Variants in ADAT1 observed in about 807,000 individuals in gnomAD.
ADAT1 encodes tRNA-specific adenosine deaminase 1.
Under a neutral mutation model 58.6 loss-of-function variants are expected in ADAT1, and 58 were observed. The observed-to-expected ratio is 0.99, with a 90% CI of 0.80 to 1.23. ADAT1 has a LOEUF of 1.23. Ranked by LOEUF, ADAT1 falls within the 50% of genes most tolerant of loss-of-function variation. The pLI is 0.00. For synonymous variants in ADAT1, 254 were observed against 220.8 expected, an observed-to-expected ratio of 1.15 and a Z score of -1.33; for missense variants, 741 against 608.6, an observed-to-expected ratio of 1.22 and a Z score of -2.29.
intron 4 of ADAT1, among the ~76,000 whole-genome samples, chr16:75,618,123 A>AAAAAAAAAG (rs1555510929): frequency 3.5e-5 from 5 of 142,072 alleles, no homozygotes; most frequent in African/African-American, 1.3e-4. Flanking sequence ...AAAAAAAAAA[A>AAAAAAAAAG]AGAGAGAACC....
At chr16:75,619,678 A>G (rs772431082) in intron 3 of ADAT1, 17 of 453,474 alleles carry the variant, frequency 3.7e-5, no homozygotes, top group South Asian at 2.3e-4. Context: ...TGGGAGGCCA[A>G]TGTGGGCAGA....
intron 3 of ADAT1, 43 bp downstream of exon 3, chr16:75,620,223 G>A (rs201818892): frequency 1.3e-6 from 2 of 1,592,736 alleles, no homozygotes; most frequent in Admixed American, 1.7e-5. Flanking sequence ...CATGGACACT[G>A]GTTTCAAGCT....
intron 5 of ADAT1, among the ~76,000 whole-genome samples, chr16:75,614,458 G>T (rs969401070): frequency 1.3e-5 from 2 of 152,200 alleles, no homozygotes; most frequent in South Asian, 4.1e-4. Context: ...CTAACCTGAT[G>T]AGTGTTGCTT....
intron 7 of ADAT1, 128 bp from the exon 8 acceptor site, chr16:75,608,451 CTGCTATTGGA>C (rs1490064308): frequency 2.6e-6 from 2 of 769,880 alleles, no homozygotes; most frequent in Admixed American, 5.0e-5. Context: ...CAGACAATGA[CTGCTATTGGA>C]TGCTTGGCCT....
chr16:75,622,598 A>G lies in ADAT1; in HGVS notation c.-217T>C, dbSNP rs2081966637. 2.0e-5 allele frequency: 3 copies of G among 152,210 alleles called. No individual in the cohort carries two copies. The highest frequency in any genetic ancestry group is 4.4e-5 in the Non-Finnish European group (3 of 68,040). 9.4% of individuals were successfully genotyped at this position (152,210 alleles called of 1,614,324 possible). The stretch of plus-strand genomic sequence containing the variant: ...CATCTCACTCAGGTAGTGCGTCTGA[A>G]TGAGCATGCACAATTGTTTAAATGA... On this transcript the variant is annotated 5_prime_UTR_variant, in exon 1 of 10. Transcript: ENST00000564657.
rs869079388 is a variant in ADAT1 at position 75,604,432 on chromosome 16, C to CAAAAAAA, written c.1290-1268_1290-1262dup. On this transcript the variant is annotated intron_variant, in intron 8 of 9. Transcript: ENST00000564657. ...TGGGTGACAGAGTGAGATTCTGTCT[C>CAAAAAAA]AAAAAAAAAAAAAAAAAAAAAAAAA... Among the ~76,000 whole-genome samples, 29 of 7,936 alleles carry CAAAAAAA rather than the reference C, an allele frequency of 3.7e-3. 5 individuals carry two copies. In the East Asian group the frequency reaches 0.068, roughly 19 times the overall value. The allele number at this position is 7,936 out of a possible 152,430, so 5.2% of individuals were successfully genotyped here. A position where few individuals can be genotyped will look rare whatever the true frequency, so the allele number is the denominator to read the frequency against.
intron 5 of ADAT1, among the ~76,000 whole-genome samples, chr16:75,615,135 G>A (rs1162427750): frequency 6.6e-6 from 1 of 151,002 alleles, no homozygotes; most frequent in African/African-American, 2.4e-5. Flanking sequence ...GCCAAGGCAG[G>A]AGAATCGCCT....
At chr16:75,612,966 C>G in intron 5 of ADAT1, 105 bp from the exon 6 acceptor site, 1 of 1,384,198 alleles carries the variant, frequency 7.2e-7, no homozygotes, top group Non-Finnish European at 9.7e-7. Context: ...ACTCTTGGGA[C>G]CCACAGTAGA....
chr16:75,612,187 C>A (rs1270549363), intron 6 of ADAT1, 56 bp downstream of exon 6: 6 of 1,574,100 alleles, frequency 3.8e-6, no homozygotes, highest in African/African-American at 1.3e-5. Context: ...TTAGGCCTTA[C>A]CCTCAGACTG....
At chr16:75,600,414 C>T in intron 9 of ADAT1, 66 bp from the exon 10 acceptor site, 1 of 1,590,636 alleles carries the variant, frequency 6.3e-7, no homozygotes, top group Admixed American at 1.7e-5. Flanking sequence ...GGCCACCAGA[C>T]ACCTGAGCAA....
intron 8 of ADAT1, among the ~76,000 whole-genome samples, chr16:75,607,859 G>A (rs1167620217): frequency 6.6e-6 from 1 of 152,148 alleles, no homozygotes; most frequent in Non-Finnish European, 1.5e-5. Context: ...TGAACGAATG[G>A]CAAACAAAAT....
intron 6 of ADAT1, among the ~76,000 whole-genome samples, 181 bp from the exon 7 acceptor site, chr16:75,609,169 C>T (rs760477271): frequency 6.6e-6 from 1 of 152,138 alleles, no homozygotes; most frequent in Non-Finnish European, 1.5e-5. Context: ...GGAAGAAGAT[C>T]CTTCTCCCTC....
intron 6 of ADAT1, among the ~76,000 whole-genome samples, chr16:75,610,459 G>A (rs1192425440): frequency 4.6e-5 from 7 of 152,004 alleles, no homozygotes; most frequent in African/African-American, 1.4e-4. Context: ...ACCACACCTG[G>A]CTGAGTTTTG....
At position 75,604,456 on chromosome 16, in the gene ADAT1, A is replaced by AAAAAAAAAT. The variant is rs1555508674; in HGVS notation, c.1290-1286_1290-1285insATTTTTTTT. 1.1e-3 allele frequency among the ~76,000 whole-genome samples: 55 copies of AAAAAAAAAT among 48,758 alleles called. 4 individuals carry two copies. The highest frequency in any genetic ancestry group is 2.2e-3 in the East Asian group (2 of 924). The allele number at this position is 48,758 out of a possible 152,430, so 32.0% of individuals were successfully genotyped here. ...TCAAAAAAAAAAAAAAAAAAAAAAAAATATATATATATATATATACACACA... is the reference window on the plus strand; with the variant it reads ...TCAAAAAAAAAAAAAAAAAAAAAAAAAAAAAAAATATATATATATATATATATACACACA... On this transcript the variant is annotated intron_variant, in intron 8 of 9. Coordinates refer to ENST00000564657, the MANE Select transcript of ADAT1 (RefSeq NM_001324445.2).
chr16:75,618,111 AAAAAAAAAAAAAAG>A (rs1455907345), intron 4 of ADAT1, among the ~76,000 whole-genome samples: 1 of 149,314 alleles, frequency 6.7e-6, no homozygotes, highest in Non-Finnish European at 1.5e-5. Flanking sequence ...AAAAAAAAAA[AAAAAAAAAAAAAAG>A]AGAGAACCAC....
chr16:75,618,783 T>A (rs1453861884), intron 3 of ADAT1, 143 bp from the exon 4 acceptor site: 20 of 878,398 alleles, frequency 2.3e-5, no homozygotes, highest in South Asian at 3.3e-5. Context: ...ACCACAATCA[T>A]GAATAACAAT....
In ADAT1 at chr16:75,598,280, TG is replaced by T; in HGVS notation, c.*1935del. 1 of 342,698 alleles carries T rather than the reference TG, an allele frequency of 2.9e-6. No homozygotes were observed. 21.2% of individuals were successfully genotyped at this position (342,698 alleles called of 1,614,324 possible). On this transcript the variant is annotated 3_prime_UTR_variant, in exon 10 of 10. Coordinates refer to ENST00000564657, the MANE Select transcript of ADAT1 (RefSeq NM_001324445.2). Reference sequence around the variant, plus strand: ...TTAGTAGAAAGGGGCTTCACCATGTTGGCCAGGATGGTCTTGATCTCCTGAC... The same window carrying T: ...TTAGTAGAAAGGGGCTTCACCATGTTGCCAGGATGGTCTTGATCTCCTGAC...
At chr16:75,622,314 C>T (rs2081957516) in intron 1 of ADAT1, 89 bp downstream of exon 1, 1 of 152,052 alleles carries the variant, frequency 6.6e-6, no homozygotes, top group South Asian at 2.1e-4. Context: ...GAAGTGAGAC[C>T]CTGTGACTTG....
At chr16:75,610,296 C>T (rs1395890509) in intron 6 of ADAT1, among the ~76,000 whole-genome samples, 1 of 151,038 alleles carries the variant, frequency 6.6e-6, no homozygotes, top group Admixed American at 6.6e-5. Flanking sequence ...TATACATATA[C>T]ACTTTTTTTT....
Sources: gnomAD v4.1 joint callset for allele counts (sites outside exome capture counted in the v4.1 genomes callset) on GRCh38, gnomAD v4.1.1 for gene constraint, MANE v1.5 for transcripts, NCBI Gene and HGNC (gene_info 2026-07-23, HGNC 2026-07-21) for gene names.